RPRD2: variants seen among roughly 807,000 people sequenced by gnomAD.
The protein encoded by RPRD2 is regulation of nuclear pre-mRNA domain-containing protein 2.
RPRD2 carries 12 observed loss-of-function variants against 104.4 expected under a neutral mutation model. The ratio of observed to expected loss-of-function variants is 0.11; its 90% CI spans 0.07 to 0.19. The LOEUF (loss-of-function observed/expected upper bound fraction) is 0.19, where lower values mean the gene tolerates loss of function less well. Among genes scored for constraint, RPRD2 ranks in the 10% least tolerant of loss-of-function variants. The pLI, the probability that RPRD2 is intolerant of heterozygous loss-of-function variation, is 1.00. For missense variants in RPRD2, 1,543 were observed against 1,790.1 expected, an observed-to-expected ratio of 0.86 and a Z score of 2.49; for synonymous variants, 714 against 684.9, an observed-to-expected ratio of 1.04 and a Z score of -0.66.
At chr1:150,424,982 A>G (rs782350847) in intron 2 of RPRD2, among the ~76,000 whole-genome samples, 2 of 152,166 alleles carry the variant, frequency 1.3e-5, no homozygotes, top group Admixed American at 6.5e-5. Flanking sequence ...ACTTCAGACT[A>G]CATACACACA....
chr1:150,414,378 A>C (rs1553888200), intron 1 of RPRD2, among the ~76,000 whole-genome samples: 1 of 152,232 alleles, frequency 6.6e-6, no homozygotes, highest in Non-Finnish European at 1.5e-5. Context: ...AATGTAAAAG[A>C]CTCCAAAGCT....
chr1:150,414,320 G>C (rs1167122129), intron 1 of RPRD2, among the ~76,000 whole-genome samples: 4 of 152,166 alleles, frequency 2.6e-5, no homozygotes, highest in Non-Finnish European at 5.9e-5. Flanking sequence ...TAACAATCCT[G>C]TAAGGTTGTC....
chr1:150,404,420 G>C (rs1663303234), intron 1 of RPRD2, among the ~76,000 whole-genome samples: 1 of 151,918 alleles, frequency 6.6e-6, no homozygotes, highest in Non-Finnish European at 1.5e-5. Flanking sequence ...CTGATTTTTT[G>C]TATTTTTGGT....
In RPRD2 at chr1:150,473,515, C is replaced by A; in HGVS notation, c.*181C>A. ...CGTTTTACTATTCAATTCAATCCTC[C>A]CTCCCATTGCACTTATCTACCTTCC... On this transcript the variant is annotated 3_prime_UTR_variant, in exon 11 of 11. Transcript: ENST00000369068. 1 of 402,938 alleles carries A rather than the reference C, an allele frequency of 2.5e-6. No homozygotes were observed. Among genetic ancestry groups the A allele is most frequent in the Non-Finnish European group, 4.3e-6 (1 of 233,010 alleles). 25.0% of individuals were successfully genotyped at this position (402,938 alleles called of 1,614,324 possible). A position where few individuals can be genotyped will look rare whatever the true frequency, so the allele number is the denominator to read the frequency against.
intron 1 of RPRD2, among the ~76,000 whole-genome samples, chr1:150,407,444 C>CAAAA (rs1464149280): frequency 1.3e-5 from 2 of 152,122 alleles, no homozygotes; most frequent in African/African-American, 2.4e-5. Flanking sequence ...GCCTTAGAAA[C>CAAAA]TTTTTTGAGT....
intron 10 of RPRD2, among the ~76,000 whole-genome samples, chr1:150,466,028 AAAAAAATT>A (rs1239247341): frequency 9.3e-5 from 7 of 75,106 alleles, no homozygotes; most frequent in East Asian, 3.3e-4. Flanking sequence ...AAAAAAAAAA[AAAAAAATT>A]TTTTTATGAC....
In RPRD2 at chr1:150,364,862, G is replaced by C. The variant is rs782477241; in HGVS notation, c.148G>C (p.Glu50Gln). Reference protein sequence around the residue: ...SIQGLSSWCIENKKHHSTIVY... With the variant: ...SIQGLSSWCIQNKKHHSTIVY... Reference sequence around the variant, plus strand: ...TCAAGGCTTGTCGTCTTGGTGTATAGAGAACAAAAAACACCACAGTACTAT... The same window carrying C: ...TCAAGGCTTGTCGTCTTGGTGTATACAGAACAAAAAACACCACAGTACTAT... Residue 50 changes from glutamate to glutamine, a missense_variant, in exon 1 of 11, where the codon GAG (glutamate) becomes CAG (glutamine). Glu to Gln is a conservative substitution (Grantham distance 29, BLOSUM62 2). Around this residue, in one of 4 missense-constraint regions of RPRD2, gnomAD observed 88 missense variants for 96.6 expected, o/e 0.91. Coordinates refer to ENST00000369068, the MANE Select transcript of RPRD2 (RefSeq NM_015203.5). The C allele has an allele frequency of 6.2e-7, 1 of 1,613,992 alleles. No homozygotes were observed. Among genetic ancestry groups the C allele is most frequent in the East Asian group, 2.2e-5 (1 of 44,884 alleles).
At chr1:150,452,828 G>C (rs587761248) in intron 7 of RPRD2, among the ~76,000 whole-genome samples, 2 of 151,506 alleles carry the variant, frequency 1.3e-5, no homozygotes, top group Non-Finnish European at 2.9e-5. Flanking sequence ...TCGCCACCAC[G>C]CCTGCCTAAT....
At chr1:150,466,683 T>C (rs1668305096) in intron 10 of RPRD2, among the ~76,000 whole-genome samples, 1 of 152,172 alleles carries the variant, frequency 6.6e-6, no homozygotes, top group Admixed American at 6.5e-5. Flanking sequence ...CACCTACCTA[T>C]AATCTCTCTC....
chr1:150,394,151 A>G (rs1339216914), intron 1 of RPRD2, among the ~76,000 whole-genome samples: 3 of 151,952 alleles, frequency 2.0e-5, no homozygotes, highest in Non-Finnish European at 4.4e-5. Flanking sequence ...CCTGGGTTCA[A>G]GCGATTCTCC....
rs764291547 is a variant in RPRD2 at position 150,472,176 on chromosome 1, T to C, written c.3228T>C (p.Asp1076=). The change falls in exon 11 of 11, where the codon GAT becomes GAC. Residue 1076 remains aspartate, a synonymous_variant. Coordinates refer to ENST00000369068, the MANE Select transcript of RPRD2 (RefSeq NM_015203.5). ...RVSSSCLDLP[D]STEEKGAPIE... is the part of the protein sequence containing the mutation. ...CCTCCTCCTGCTTAGACTTGCCTGA[T>C]AGCACAGAAGAAAAGGGGGCCCCTA... is the stretch of plus-strand genomic sequence containing the variant. The C allele has an allele frequency of 1.2e-5, 19 of 1,613,694 alleles. No individual in the cohort carries two copies. The Admixed American group carries it at 3.2e-4, about 27-fold the overall frequency.
chr1:150,373,426 G>A (rs1172563478), intron 1 of RPRD2, among the ~76,000 whole-genome samples: 3 of 152,012 alleles, frequency 2.0e-5, no homozygotes, highest in East Asian at 1.9e-4. Context: ...TATGGCCAGC[G>A]GAAGTGATAA....
Position 150,464,566 on chromosome 1 carries a change from C to T in RPRD2, c.1451C>T (p.Thr484Ile). The part of the protein sequence containing the change: ...PASRPSPGTP[T>I]SPSNLTSGLK... ...TCAAGACCTTCTCCAGGAACGCCCA[C>T]CAGCCCCAGCAACCTCACCAGTGGC... Residue 484 changes from threonine (T) to isoleucine (I), a missense_variant, in exon 10 of 11, where the codon ACC (threonine) becomes ATC (isoleucine). Coordinates refer to ENST00000369068, the MANE Select transcript of RPRD2 (RefSeq NM_015203.5). 2 of 1,606,270 alleles carry T rather than the reference C, an allele frequency of 1.2e-6. No individual in the cohort carries two copies. The highest frequency in any genetic ancestry group is 1.7e-6 in the Non-Finnish European group (2 of 1,176,246).
chr1:150,397,509 C>T (rs1052874114), intron 1 of RPRD2, among the ~76,000 whole-genome samples: 1 of 152,080 alleles, frequency 6.6e-6, no homozygotes, highest in Non-Finnish European at 1.5e-5. Flanking sequence ...GTCTGTGACC[C>T]ACTATTTGAC....
chr1:150,388,497 GCACACACACACA>G (rs143626934), intron 1 of RPRD2, among the ~76,000 whole-genome samples: 6 of 90,134 alleles, frequency 6.7e-5, no homozygotes, highest in African/African-American at 1.9e-4. Context: ...ATATACCCGC[GCACACACACACA>G]CACACACACA....
chr1:150,462,364 G>C (rs907483692), intron 9 of RPRD2, among the ~76,000 whole-genome samples: 9 of 151,376 alleles, frequency 5.9e-5, no homozygotes, highest in Non-Finnish European at 1.0e-4. Context: ...AGTATCATTT[G>C]AACCCAGAAG....
rs1472135368 is a variant in RPRD2, at chr1:150,475,120, G to T, written c.*1786G>T. On this transcript the variant is annotated 3_prime_UTR_variant, in exon 11 of 11. Transcript: ENST00000369068. ...TTTCCTCGACCCTCTCTGCCCTGTA[G>T]CTCTCCCCACAAAAATGCATGATAC... 2.6e-5 allele frequency: 4 copies of T among 152,078 alleles called. No individual in the cohort carries two copies. Among genetic ancestry groups the T allele is most frequent in the African/African-American group, 9.7e-5 (4 of 41,388 alleles). The allele number at this position is 152,078 out of a possible 1,614,324, so 9.4% of individuals were successfully genotyped here.
At chr1:150,429,358 G>A (rs1348369224) in intron 2 of RPRD2, among the ~76,000 whole-genome samples, 4 of 151,524 alleles carry the variant, frequency 2.6e-5, no homozygotes, top group Non-Finnish European at 4.4e-5. Flanking sequence ...TTACAGGTGT[G>A]AGCCACCACA....
intron 10 of RPRD2, among the ~76,000 whole-genome samples, chr1:150,469,212 C>T (rs1420680560): frequency 1.5e-4 from 23 of 152,062 alleles, no homozygotes; most frequent in Admixed American, 1.5e-3. Flanking sequence ...TACTAAGGAA[C>T]AATGTTAGTG....
Sources: allele counts gnomAD v4.1 joint callset (sites outside exome capture counted in the v4.1 genomes callset), GRCh38; gene constraint gnomAD v4.1.1; regional missense constraint gnomAD v4.1.1; transcripts MANE v1.5; gene names NCBI Gene and HGNC (gene_info 2026-07-23, HGNC 2026-07-21).